The following XPR1 variants were observed in gnomAD, a reference collection of about 807,000 sequenced individuals.
XPR1 encodes the protein xenotropic and polytropic retrovirus receptor 1, also known as solute carrier family 53 member 1.
XPR1 carries 28 observed loss-of-function variants against 87.5 expected under a neutral mutation model. The observed-to-expected ratio is 0.32, with a 90% confidence interval of 0.24 to 0.44. The LOEUF (loss-of-function observed/expected upper bound fraction) is 0.44, where lower values mean the gene tolerates loss of function less well. Ranked by LOEUF, XPR1 falls within the 20% of genes least tolerant of loss-of-function variation. The pLI is 1.00. For synonymous variants in XPR1, 300 were observed against 306.1 expected (o/e 0.98, Z 0.21); for missense variants, 559 against 862.3 (o/e 0.65, Z 4.41).
At chr1:180,855,333 A>G (rs758497094) in intron 11 of XPR1, among the ~76,000 whole-genome samples, 48 of 152,180 alleles carry the variant, frequency 3.2e-4, no homozygotes, top group Non-Finnish European at 6.0e-4. Flanking sequence ...CTTTGTTAAC[A>G]TATTATTAAA....
At chr1:180,785,629 C>T (rs569133687) in intron 2 of XPR1, among the ~76,000 whole-genome samples, 5 of 151,932 alleles carry the variant, frequency 3.3e-5, no homozygotes, top group East Asian at 1.9e-4. Flanking sequence ...GAATATACAA[C>T]CTATGTGAAC....
At chr1:180,733,251 G>A (rs969670201) in intron 2 of XPR1, among the ~76,000 whole-genome samples, 2 of 152,130 alleles carry the variant, frequency 1.3e-5, no homozygotes, top group East Asian at 1.9e-4. Flanking sequence ...CCCTATGTCC[G>A]TGGGGGCTAT....
At chr1:180,751,906 T>A (rs1170663215) in intron 2 of XPR1, among the ~76,000 whole-genome samples, 1 of 152,128 alleles carries the variant, frequency 6.6e-6, no homozygotes, top group African/African-American at 2.4e-5. Context: ...GAAAATTGTT[T>A]CCATCAAGGA....
At chr1:180,831,062 G>A (rs1651040513) in intron 9 of XPR1, among the ~76,000 whole-genome samples, 1 of 152,158 alleles carries the variant, frequency 6.6e-6, no homozygotes, top group African/African-American at 2.4e-5. Context: ...GCTGATTTTT[G>A]TGGTATAATT....
At chr1:180,730,839 T>C (rs1658534782) in intron 2 of XPR1, among the ~76,000 whole-genome samples, 1 of 151,512 alleles carries the variant, frequency 6.6e-6, no homozygotes, top group East Asian at 1.9e-4. Flanking sequence ...ATTTTTTTTT[T>C]TATTTTTTGT....
intron 11 of XPR1, among the ~76,000 whole-genome samples, chr1:180,862,758 C>T (rs567710224): frequency 2.0e-5 from 3 of 152,184 alleles, no homozygotes; most frequent in South Asian, 2.1e-4. Flanking sequence ...ATGAACGATG[C>T]ATGATATATC....
rs6697358 is a variant in XPR1 at position 180,824,737 on chromosome 1, C to G, written c.764-16C>G. On this transcript the variant is annotated splice_polypyrimidine_tract_variant and intron_variant, in intron 7 of 14. Coordinates refer to ENST00000367590, the MANE Select transcript of XPR1 (RefSeq NM_004736.4). Reference sequence around the variant, plus strand: ...TATGAATTTTATAACTGACCAATATCTTAATATTCTTTCAGCTGTATTTAA... The same window carrying G: ...TATGAATTTTATAACTGACCAATATGTTAATATTCTTTCAGCTGTATTTAA... The G allele has an allele frequency of 6.3e-7, 1 of 1,588,652 alleles. No homozygotes were observed. Among genetic ancestry groups the G allele is most frequent in the African/African-American group, 1.4e-5 (1 of 73,700 alleles).
intron 7 of XPR1, among the ~76,000 whole-genome samples, chr1:180,821,338 A>G (rs751692172): frequency 3.3e-5 from 5 of 152,330 alleles, no homozygotes; most frequent in Non-Finnish European, 2.9e-5. Context: ...GTTGGCACTC[A>G]TGTTGAAAAT....
chr1:180,819,274 G>A (rs1308601942), intron 7 of XPR1, among the ~76,000 whole-genome samples: 1 of 152,166 alleles, frequency 6.6e-6, no homozygotes, highest in Admixed American at 6.5e-5. Context: ...CATTTTGAAA[G>A]TAAATAAGTT....
chr1:180,654,294 C>G (rs1257324513), intron 1 of XPR1, among the ~76,000 whole-genome samples: 1 of 151,950 alleles, frequency 6.6e-6, no homozygotes, highest in Admixed American at 6.6e-5. Flanking sequence ...GAGCAATAAT[C>G]CTCAGATCTA....
intron 7 of XPR1, among the ~76,000 whole-genome samples, chr1:180,813,618 G>T (rs552947107): frequency 6.6e-6 from 1 of 152,284 alleles, no homozygotes; most frequent in South Asian, 2.1e-4. Flanking sequence ...GGCTGGAAGA[G>T]AAGGAGAAAG....
At chr1:180,786,801 C>A (rs780743876) in intron 2 of XPR1, among the ~76,000 whole-genome samples, 7 of 152,172 alleles carry the variant, frequency 4.6e-5, no homozygotes, top group Non-Finnish European at 8.8e-5. Context: ...AGAATCCCAA[C>A]CACTCCTTCT....
intron 2 of XPR1, among the ~76,000 whole-genome samples, chr1:180,692,762 T>G (rs1174688544): frequency 2.6e-5 from 4 of 152,186 alleles, no homozygotes; most frequent in African/African-American, 7.2e-5. Context: ...TAGATCTAAT[T>G]TAATGCTCAT....
chr1:180,857,022 A>G (rs1652055241), intron 11 of XPR1, among the ~76,000 whole-genome samples: 1 of 152,236 alleles, frequency 6.6e-6, no homozygotes, highest in South Asian at 2.1e-4. Flanking sequence ...AAGGATATCA[A>G]TTTTATTTTG....
In XPR1 at chr1:180,864,463, A is replaced by G. The variant is rs1489829718; in HGVS notation, c.1668+589A>G. On this transcript the variant is annotated intron_variant, in intron 12 of 14. Transcript: ENST00000367590. Reference sequence around the variant, plus strand: ...TAATTACTGGTCTATAGTAGACTTAATGTTTCTGGGATGAATGAATAAATA... The same window carrying G: ...TAATTACTGGTCTATAGTAGACTTAGTGTTTCTGGGATGAATGAATAAATA... Among the ~76,000 whole-genome samples, 41 of 152,150 alleles carry G rather than the reference A, an allele frequency of 2.7e-4. 3 individuals are homozygous for G. Among genetic ancestry groups the G allele is most frequent in the Non-Finnish European group, 4.4e-5 (3 of 68,018 alleles).
intron 2 of XPR1, among the ~76,000 whole-genome samples, chr1:180,704,977 TTATAAA>T (rs1300852092): frequency 4.0e-5 from 6 of 151,538 alleles, no homozygotes; most frequent in South Asian, 2.1e-4. Flanking sequence ...ATATACACTC[TTATAAA>T]TATAAATGTA....
chr1:180,724,023 A>G (rs765570155), intron 2 of XPR1, among the ~76,000 whole-genome samples: 2 of 152,216 alleles, frequency 1.3e-5, no homozygotes, highest in African/African-American at 2.4e-5. Flanking sequence ...GTTAATACTT[A>G]GTTTAATAAA....
At chr1:180,650,963 G>A (rs1655273642) in intron 1 of XPR1, among the ~76,000 whole-genome samples, 1 of 152,078 alleles carries the variant, frequency 6.6e-6, no homozygotes. Context: ...TTAAAAATAA[G>A]CCACAGAAAT....
chr1:180,805,595 C>T (rs1184491936), intron 4 of XPR1, among the ~76,000 whole-genome samples: 2 of 152,000 alleles, frequency 1.3e-5, no homozygotes, highest in East Asian at 3.8e-4. Context: ...TGCATGATTG[C>T]ATGGCAGGGG....
Sources: gnomAD v4.1 joint callset for allele counts (sites outside exome capture counted in the v4.1 genomes callset) on GRCh38, gnomAD v4.1.1 for gene constraint, MANE v1.5 for transcripts, NCBI Gene and HGNC (gene_info 2026-07-23, HGNC 2026-07-21) for gene names.